ARHGAP20: variants seen among roughly 807,000 people sequenced by gnomAD.
ARHGAP20 encodes the protein rho GTPase-activating protein 20.
ARHGAP20 carries 34 observed loss-of-function variants against 73.7 expected under a neutral mutation model. The ratio of observed to expected loss-of-function variants is 0.46; its 90% CI spans 0.35 to 0.61. The LOEUF (loss-of-function observed/expected upper bound fraction) is 0.61. Ranked by LOEUF, ARHGAP20 falls within the 20% of genes least tolerant of loss-of-function variation. The pLI, the probability that ARHGAP20 is intolerant of heterozygous loss-of-function variation, is 0.00. For missense variants in ARHGAP20, 1,314 were observed against 1,420.9 expected (o/e 0.92, Z 1.21); for synonymous variants, 523 against 518.2 (o/e 1.01, Z -0.13).
chr11:110,588,988 C>G (rs573303559), intron 11 of ARHGAP20, among the ~76,000 whole-genome samples: 4 of 152,008 alleles, frequency 2.6e-5, no homozygotes, highest in African/African-American at 9.7e-5. Context: ...AGGAGAATGG[C>G]GTGAACCCAG....
chr11:110,593,877 T>A (rs2134835362), intron 9 of ARHGAP20, among the ~76,000 whole-genome samples: 1 of 152,376 alleles, frequency 6.6e-6, no homozygotes, highest in Admixed American at 6.5e-5. Flanking sequence ...ATGGCTTGAC[T>A]CCATTTTCTC....
intron 1 of ARHGAP20, among the ~76,000 whole-genome samples, chr11:110,698,908 T>C (rs7947149): frequency 0.13 from 19,365 of 151,798 alleles, 1,995 homozygotes; most frequent in African/African-American, 0.29. Context: ...TTGTCTCAAT[T>C]TCATTTACTT....
In ARHGAP20 at chr11:110,578,277, C is replaced by CCA. The variant is rs1808659717; in HGVS notation, c.*1091_*1092dup. The CCA allele has an allele frequency of 1.0e-6, 1 of 985,324 alleles. No homozygotes were observed. Among genetic ancestry groups the CCA allele is most frequent in the South Asian group, 4.7e-5 (1 of 21,294 alleles). 61.0% of individuals were successfully genotyped at this position (985,324 alleles called of 1,614,324 possible). A position where few individuals can be genotyped will look rare whatever the true frequency, so the allele number is the denominator to read the frequency against. On this transcript the variant is annotated 3_prime_UTR_variant, in exon 15 of 15. Coordinates refer to ENST00000683387, the MANE Select transcript of ARHGAP20 (RefSeq NM_001384657.1). ...ATGGCTGTCTGAGAAGGCCTGGCAG[C>CCA]CACTTTGTTGGGTATTCTATTGTGG...
chr11:110,698,997 G>A (rs530685285), intron 1 of ARHGAP20, among the ~76,000 whole-genome samples: 1 of 151,782 alleles, frequency 6.6e-6, no homozygotes, highest in African/African-American at 2.4e-5. Flanking sequence ...TCCTTGAGGT[G>A]TGACATCAGG....
At chr11:110,626,448 C>G (rs993002706) in intron 3 of ARHGAP20, among the ~76,000 whole-genome samples, 1 of 152,162 alleles carries the variant, frequency 6.6e-6, no homozygotes, top group Admixed American at 6.5e-5. Context: ...GAGAACTTAC[C>G]ATATACCATT....
At chr11:110,610,138 T>C (rs1256911080) in intron 7 of ARHGAP20, among the ~76,000 whole-genome samples, 2 of 152,124 alleles carry the variant, frequency 1.3e-5, no homozygotes, top group African/African-American at 2.4e-5. Context: ...TTCCAAAATA[T>C]ACTCATATAG....
chr11:110,602,921 G>A (rs1395067602), intron 9 of ARHGAP20, among the ~76,000 whole-genome samples: 3 of 152,178 alleles, frequency 2.0e-5, no homozygotes, highest in African/African-American at 7.2e-5. Flanking sequence ...CAATAATTCA[G>A]TACAACCTGA....
intron 2 of ARHGAP20, among the ~76,000 whole-genome samples, chr11:110,639,242 C>A (rs984591589): frequency 3.3e-5 from 5 of 149,848 alleles, no homozygotes; most frequent in South Asian, 2.1e-4. Context: ...TTCGATACCC[C>A]CCCCCCACAA....
Position 110,690,833 on chromosome 11 carries a change from T to C in ARHGAP20, c.106-204A>G. ...CAGGACAGTAAGTGTCAAAAAGTGG[T>C]AAAAGCAATAAGTATTTTTTGTGGT... On this transcript the variant is annotated intron_variant, in intron 1 of 14. Transcript: ENST00000683387. 3.1e-5 allele frequency: 28 copies of C among 895,086 alleles called. No individual in the cohort carries two copies. The South Asian group carries it at 5.0e-4, about 16-fold the overall frequency. 55.4% of individuals were successfully genotyped at this position (895,086 alleles called of 1,614,324 possible).
chr11:110,586,193 C>G, intron 12 of ARHGAP20, 23 bp downstream of exon 12: 1 of 1,253,018 alleles, frequency 8.0e-7, no homozygotes, highest in Non-Finnish European at 1.1e-6. Context: ...ATTTTTGAGA[C>G]ATGACCAAAT....
chr11:110,641,785 T>A (rs1310815415), intron 2 of ARHGAP20, among the ~76,000 whole-genome samples: 1 of 152,022 alleles, frequency 6.6e-6, no homozygotes. Flanking sequence ...AGATCCCAAC[T>A]AAGGGAGAAA....
intron 2 of ARHGAP20, among the ~76,000 whole-genome samples, chr11:110,685,150 T>A (rs1950107743): frequency 6.6e-6 from 1 of 152,056 alleles, no homozygotes; most frequent in African/African-American, 2.4e-5. Flanking sequence ...TTCTGGGAAA[T>A]CTTTTTGATT....
chr11:110,706,500 A>G (rs1301963924), intron 1 of ARHGAP20, among the ~76,000 whole-genome samples: 2 of 152,306 alleles, frequency 1.3e-5, no homozygotes, highest in South Asian at 4.1e-4. Context: ...ATGGCTTCCA[A>G]TGATGACTGC....
chr11:110,601,755 G>A (rs908909633), intron 9 of ARHGAP20, among the ~76,000 whole-genome samples: 10 of 152,164 alleles, frequency 6.6e-5, no homozygotes, highest in South Asian at 4.1e-4. Flanking sequence ...AGGCCGAGGC[G>A]GGTGGATCGC....
chr11:110,698,808 C>T (rs1375631810), intron 1 of ARHGAP20, among the ~76,000 whole-genome samples: 1 of 151,714 alleles, frequency 6.6e-6, no homozygotes, highest in Admixed American at 6.6e-5. Flanking sequence ...TTTTCTCTTT[C>T]TTGTTGGTTA....
chr11:110,648,336 A>ATG (rs1226279832), intron 2 of ARHGAP20, among the ~76,000 whole-genome samples: 11 of 90,636 alleles, frequency 1.2e-4, no homozygotes, highest in Middle Eastern at 4.3e-3. Context: ...ATATGTGTAT[A>ATG]TGTGTGTGTG....
At chr11:110,711,918 A>G in intron 1 of ARHGAP20, 4 of 1,256,918 alleles carry the variant, frequency 3.2e-6, no homozygotes, top group Non-Finnish European at 3.0e-6. Flanking sequence ...CTAGAAACGG[A>G]GAAGCGGGCG....
At chr11:110,700,608 CT>C (rs1416694861) in intron 1 of ARHGAP20, among the ~76,000 whole-genome samples, 1 of 150,158 alleles carries the variant, frequency 6.7e-6, no homozygotes, top group Non-Finnish European at 1.5e-5. Context: ...TATTATTATA[CT>C]TTAAGTTTTA....
intron 3 of ARHGAP20, among the ~76,000 whole-genome samples, 174 bp downstream of exon 3, chr11:110,630,454 T>C (rs1343166586): frequency 6.6e-6 from 1 of 150,668 alleles, no homozygotes; most frequent in Non-Finnish European, 1.5e-5. Context: ...TAAACACTTG[T>C]TGAAAAAATG....
Sources: gnomAD v4.1 joint callset for allele counts (sites outside exome capture counted in the v4.1 genomes callset) on GRCh38, gnomAD v4.1.1 for gene constraint, MANE v1.5 for transcripts, NCBI Gene and HGNC (gene_info 2026-07-23, HGNC 2026-07-21) for gene names.